The following NCAM2 variants were observed in gnomAD, a reference collection of about 807,000 sequenced individuals.
The protein encoded by NCAM2 is N-CAM-2.
Under a neutral mutation model 98.1 loss-of-function variants are expected in NCAM2, and 30 were observed. That is an observed-to-expected ratio of 0.31 (90% CI 0.23 to 0.41). The LOEUF is 0.41. Among genes scored for constraint, NCAM2 ranks in the 10% least tolerant of loss-of-function variants. NCAM2 has a pLI of 1.00. For missense variants in NCAM2, 867 were observed against 1,005.8 expected (o/e 0.86, Z 1.87); for synonymous variants, 368 against 342.4 (o/e 1.07, Z -0.83).
intron 1 of NCAM2, among the ~76,000 whole-genome samples, chr21:21,148,521 A>G (rs775771320): frequency 7.2e-5 from 11 of 152,198 alleles, no homozygotes; most frequent in Non-Finnish European, 1.6e-4. Context: ...AAATAAACCT[A>G]AAGTGTGCAG....
chr21:21,446,489 T>C (rs762148699), intron 12 of NCAM2, among the ~76,000 whole-genome samples: 1 of 151,960 alleles, frequency 6.6e-6, no homozygotes, highest in Non-Finnish European at 1.5e-5. Flanking sequence ...GCCCAGTCTT[T>C]TTACGTAGTC....
At chr21:21,409,874 T>C (rs921700868) in intron 9 of NCAM2, among the ~76,000 whole-genome samples, 1 of 151,846 alleles carries the variant, frequency 6.6e-6, no homozygotes, top group Non-Finnish European at 1.5e-5. Context: ...ACTTTGGGAG[T>C]CTGAGGCGGG....
intron 11 of NCAM2, among the ~76,000 whole-genome samples, chr21:21,429,148 G>A (rs1384473407): frequency 6.6e-6 from 1 of 152,136 alleles, no homozygotes; most frequent in Non-Finnish European, 1.5e-5. Context: ...ATGAAAAAAA[G>A]GCTACAGTAA....
At chr21:21,050,590 G>C (rs536610160) in intron 1 of NCAM2, among the ~76,000 whole-genome samples, 1 of 152,192 alleles carries the variant, frequency 6.6e-6, no homozygotes, top group South Asian at 2.1e-4. Context: ...AATGGAAGAT[G>C]TTAGCATCAA....
intron 1 of NCAM2, among the ~76,000 whole-genome samples, chr21:21,217,349 A>C (rs553748066): frequency 9.3e-4 from 141 of 152,296 alleles, no homozygotes; most frequent in Non-Finnish European, 1.8e-3. Flanking sequence ...AAGACAGCCC[A>C]TCTGGCCTAG....
Position 21,540,053 on chromosome 21 carries a change from A to G in NCAM2, c.*2096A>G, listed in dbSNP as rs1990168484. 1 of 152,248 alleles carries G rather than the reference A, an allele frequency of 6.6e-6. No homozygotes were observed. The highest frequency in any genetic ancestry group is 1.9e-4 in the East Asian group (1 of 5,170). 9.4% of individuals were successfully genotyped at this position (152,248 alleles called of 1,614,324 possible). On this transcript the variant is annotated 3_prime_UTR_variant, in exon 18 of 18. Coordinates refer to ENST00000400546, the MANE Select transcript of NCAM2 (RefSeq NM_004540.5). ...GCTAATTATTTCTAAATAGGGCCAC[A>G]TGGTTTTAAACTAATGATGGTGAAA...
chr21:21,535,626 G>T (rs1017220357), intron 17 of NCAM2, among the ~76,000 whole-genome samples: 1 of 151,704 alleles, frequency 6.6e-6, no homozygotes, highest in Admixed American at 6.6e-5. Flanking sequence ...ATAAATCCTC[G>T]GGCCAATTTT....
intron 1 of NCAM2, among the ~76,000 whole-genome samples, chr21:21,167,210 TTCTC>T (rs368403027): frequency 6.0e-5 from 9 of 150,262 alleles, no homozygotes; most frequent in African/African-American, 1.5e-4. Context: ...ACTGCCAGTT[TTCTC>T]TCTCTCTCTC....
rs73896626 is a variant in NCAM2 at position 21,245,369 on chromosome 21, G to C, written c.56-35209G>C. 2.0e-3 allele frequency among the ~76,000 whole-genome samples: 302 copies of C among 152,178 alleles called. 4 individuals carry two copies. The highest frequency in any genetic ancestry group is 6.9e-3 in the African/African-American group (287 of 41,520). On this transcript the variant is annotated intron_variant, in intron 1 of 17. Coordinates refer to ENST00000400546, the MANE Select transcript of NCAM2 (RefSeq NM_004540.5). ...TATGTGAGTGATTGCATATGTGTTC[G>C]ACCCTTCTTTTGTTTTGTTTGTAAG...
chr21:21,147,157 G>C, intron 1 of NCAM2: 5 of 955,464 alleles, frequency 5.2e-6, no homozygotes, highest in Non-Finnish European at 6.1e-6. Flanking sequence ...CTCGCGCCCT[G>C]TCCCACACCG....
intron 1 of NCAM2, among the ~76,000 whole-genome samples, chr21:21,057,013 T>A (rs1175779665): frequency 6.6e-6 from 1 of 152,056 alleles, no homozygotes; most frequent in Non-Finnish European, 1.5e-5. Flanking sequence ...CCTACTCGTC[T>A]TTAACATGTT....
intron 1 of NCAM2, among the ~76,000 whole-genome samples, chr21:21,265,168 A>T (rs1394792069): frequency 9.1e-5 from 11 of 120,692 alleles, no homozygotes; most frequent in African/African-American, 1.2e-4. Context: ...ACTTATATAT[A>T]TTATATATGT....
At chr21:21,416,299 T>G (rs1171169496) in intron 10 of NCAM2, among the ~76,000 whole-genome samples, 2 of 152,120 alleles carry the variant, frequency 1.3e-5, no homozygotes, top group Non-Finnish European at 2.9e-5. Context: ...AGTTTGTGGT[T>G]CTCCAAAACA....
At chr21:21,526,761 G>A (rs961177450) in intron 16 of NCAM2, among the ~76,000 whole-genome samples, 6 of 152,064 alleles carry the variant, frequency 3.9e-5, no homozygotes, top group Admixed American at 3.9e-4. Flanking sequence ...TGTGATATTG[G>A]CCAAAGAGTA....
intron 1 of NCAM2, among the ~76,000 whole-genome samples, chr21:21,052,150 ATTTTTTTTTTTTTTT>A (rs5842877): frequency 1.7e-4 from 13 of 74,792 alleles, no homozygotes; most frequent in Non-Finnish European, 2.7e-4. Flanking sequence ...CATGATGGCC[ATTTTTTTTTTTTTTT>A]TTTTTTTTTT....
intron 5 of NCAM2, among the ~76,000 whole-genome samples, chr21:21,315,571 T>A (rs2074196364): frequency 6.6e-6 from 1 of 152,164 alleles, no homozygotes; most frequent in African/African-American, 2.4e-5. Flanking sequence ...CTCAGAGAAT[T>A]GGGTGTTTGC....
chr21:21,464,229 A>G (rs117769974), intron 12 of NCAM2, among the ~76,000 whole-genome samples: 2,724 of 152,182 alleles, frequency 0.018, 33 homozygotes, highest in Non-Finnish European at 0.026. Flanking sequence ...GGAAAGGCAT[A>G]CCATATATCA....
intron 12 of NCAM2, among the ~76,000 whole-genome samples, chr21:21,445,522 T>TTG (rs1050098105): frequency 2.6e-5 from 4 of 152,188 alleles, no homozygotes; most frequent in African/African-American, 9.7e-5. Flanking sequence ...TGCTCCTGTA[T>TTG]TGGATGCATA....
chr21:21,199,652 A>G (rs1192884058), intron 1 of NCAM2, among the ~76,000 whole-genome samples: 1 of 152,216 alleles, frequency 6.6e-6, no homozygotes, highest in Non-Finnish European at 1.5e-5. Context: ...TCAGTAAAGA[A>G]CACAAAAATA....
Sources: allele counts gnomAD v4.1 joint callset (sites outside exome capture counted in the v4.1 genomes callset), GRCh38; gene constraint gnomAD v4.1.1; transcripts MANE v1.5; gene names NCBI Gene and HGNC (gene_info 2026-07-23, HGNC 2026-07-21).